Variants in TENM2 observed in about 807,000 individuals in gnomAD.
The protein encoded by TENM2 is teneurin-2.
Under a neutral mutation model 245.2 loss-of-function variants are expected in TENM2, and 52 were observed. The observed-to-expected ratio is 0.21, with a 90% CI of 0.17 to 0.27. TENM2 has a LOEUF of 0.27. Ranked by LOEUF, TENM2 falls within the 10% of genes least tolerant of loss-of-function variation. The probability of loss-of-function intolerance (pLI) is 1.00; values close to 1 mark genes in which losing one functional copy is unlikely to be tolerated. For missense variants in TENM2, 3,046 were observed against 3,666.8 expected (o/e 0.83, Z 4.37); for synonymous variants, 1,363 against 1,438.9 (o/e 0.95, Z 1.19).
chr5:168,032,424 G>A (rs539479890), intron 5 of TENM2, among the ~76,000 whole-genome samples: 51 of 152,282 alleles, frequency 3.3e-4, no homozygotes, highest in African/African-American at 1.2e-3. Context: ...GAAACATCTG[G>A]GGTAGTCTGG....
At chr5:168,162,807 A>G (rs1325781043) in intron 13 of TENM2, 50 bp downstream of exon 15, 3 of 1,590,370 alleles carry the variant, frequency 1.9e-6, no homozygotes, top group African/African-American at 1.3e-5. Context: ...AGCGTTGTCC[A>G]TGCTTTTGTC....
the TENM2 span, among the ~76,000 whole-genome samples, chr5:167,238,972 G>T: frequency 6.6e-6 from 1 of 152,216 alleles, no homozygotes; most frequent in Non-Finnish European, 1.5e-5. Flanking sequence ...TATAAAATAT[G>T]ATTAGATAGC....
chr5:167,209,089 G>A, the TENM2 span, among the ~76,000 whole-genome samples: 1 of 152,136 alleles, frequency 6.6e-6, no homozygotes, highest in Non-Finnish European at 1.5e-5. Context: ...GTCACACCAT[G>A]TTGGCATTTG....
the TENM2 span, among the ~76,000 whole-genome samples, chr5:167,149,638 G>A: frequency 6.6e-6 from 1 of 152,004 alleles, no homozygotes; most frequent in Non-Finnish European, 1.5e-5. Flanking sequence ...TTCTTCTCTG[G>A]GAATAACCTG....
At chr5:167,772,750 A>G (rs367847721) in intron 2 of TENM2, among the ~76,000 whole-genome samples, 1 of 152,178 alleles carries the variant, frequency 6.6e-6, no homozygotes, top group Non-Finnish European at 1.5e-5. Flanking sequence ...TAGAATCAGT[A>G]TTCTGTTAAC....
At chr5:167,185,523 A>G in the TENM2 span, among the ~76,000 whole-genome samples, 2 of 152,142 alleles carry the variant, frequency 1.3e-5, no homozygotes, top group African/African-American at 2.4e-5. Context: ...AGTCCAACAT[A>G]TATTTGAATA....
chr5:168,094,072 A>G (rs1377005184), intron 8 of TENM2, among the ~76,000 whole-genome samples: 1 of 152,128 alleles, frequency 6.6e-6, no homozygotes, highest in African/African-American at 2.4e-5. Flanking sequence ...TTTACCAAGG[A>G]CCTATTGTAT....
At chr5:168,235,155 T>C (rs1315972762) in intron 25 of TENM2, among the ~76,000 whole-genome samples, 2 of 152,208 alleles carry the variant, frequency 1.3e-5, no homozygotes, top group Non-Finnish European at 2.9e-5. Context: ...TCACAGCTCC[T>C]TCCTGCCACA....
the TENM2 span, among the ~76,000 whole-genome samples, chr5:167,066,770 C>T: frequency 6.6e-6 from 1 of 152,080 alleles, no homozygotes; most frequent in South Asian, 2.1e-4. Flanking sequence ...GTACATCCCT[C>T]AAAATAAAGA....
At chr5:168,117,992 C>G (rs777781152) in intron 9 of TENM2, among the ~76,000 whole-genome samples, 2 of 152,218 alleles carry the variant, frequency 1.3e-5, no homozygotes, top group Non-Finnish European at 2.9e-5. Flanking sequence ...AAAATGGGGA[C>G]CATGACTGTA....
intron 2 of TENM2, among the ~76,000 whole-genome samples, chr5:167,584,291 G>A (rs193137426): frequency 6.6e-6 from 1 of 152,286 alleles, no homozygotes; most frequent in East Asian, 1.9e-4. Flanking sequence ...GAATTTTCTG[G>A]GATCTAAATA....
In TENM2 at chr5:168,091,329, T is replaced by A. The variant is rs531621591; in HGVS notation, c.1711+560T>A. Among the ~76,000 whole-genome samples the A allele has an allele frequency of 2.6e-4, 40 of 152,342 alleles. No individual in the cohort carries two copies. The South Asian group carries it at 3.7e-3, about 14-fold the overall frequency. Reference sequence around the variant, plus strand: ...ATTCTTGAGTAGGTAAATCTCAAAGTGTTTTAATTAAGTACTTATCATTTT... The same window carrying A: ...ATTCTTGAGTAGGTAAATCTCAAAGAGTTTTAATTAAGTACTTATCATTTT... On this transcript the variant is annotated intron_variant, in intron 8 of 28. Transcript: ENST00000518659.
chr5:167,834,639 TC>T (rs1240152754), intron 2 of TENM2, among the ~76,000 whole-genome samples: 4 of 141,896 alleles, frequency 2.8e-5, no homozygotes, highest in Non-Finnish European at 3.0e-5. Flanking sequence ...CTGTACAATT[TC>T]TTTTTTTTTT....
At chr5:168,156,247 TAA>T (rs58825054) in intron 12 of TENM2, among the ~76,000 whole-genome samples, 8 of 80,784 alleles carry the variant, frequency 9.9e-5, no homozygotes, top group South Asian at 5.2e-4. Context: ...TCCCCATAGT[TAA>T]AAAAAAAAAA....
the TENM2 span, among the ~76,000 whole-genome samples, chr5:167,226,601 A>G: frequency 6.6e-6 from 1 of 152,028 alleles, no homozygotes; most frequent in Non-Finnish European, 1.5e-5. Context: ...GTGGGCTAAC[A>G]TATGTTCTAT....
chr5:167,154,234 G>A, the TENM2 span, among the ~76,000 whole-genome samples: 2 of 152,178 alleles, frequency 1.3e-5, no homozygotes, highest in Non-Finnish European at 2.9e-5. Flanking sequence ...ATTTGTTGAA[G>A]TGATTTAACC....
At chr5:168,088,489 G>A (rs968827901) in intron 7 of TENM2, among the ~76,000 whole-genome samples, 10 of 152,140 alleles carry the variant, frequency 6.6e-5, no homozygotes, top group African/African-American at 1.9e-4. Flanking sequence ...AGCAGCGGCC[G>A]TCACCAGCGC....
intron 1 of TENM2, among the ~76,000 whole-genome samples, chr5:167,371,970 G>A (rs900446334): frequency 6.6e-6 from 1 of 152,134 alleles, no homozygotes; most frequent in Admixed American, 6.5e-5. Context: ...TACTTACAAT[G>A]AGGTTCCTAT....
rs572044038 is a variant in TENM2, at chr5:167,978,699, G to A, written c.948-14245G>A. Among the ~76,000 whole-genome samples, 4 of 152,228 alleles carry A rather than the reference G, an allele frequency of 2.6e-5. No homozygotes were observed. The South Asian group carries it at 8.3e-4, about 32-fold the overall frequency. On this transcript the variant is annotated intron_variant, in intron 4 of 28. Transcript: ENST00000518659. The stretch of plus-strand genomic sequence containing the variant: ...AGGTTTTTTGGGGGGTGATGAAAAT[G>A]TTTTGGAACTTAAATAGAGGCAGAA...
Sources: allele counts gnomAD v4.1 joint callset (sites outside exome capture counted in the v4.1 genomes callset), GRCh38; gene constraint gnomAD v4.1.1; transcripts MANE v1.5; gene names NCBI Gene and HGNC (gene_info 2026-07-23, HGNC 2026-07-21).